BCR: variants seen among roughly 807,000 people sequenced by gnomAD.
BCR encodes the protein breakpoint cluster region protein.
Under a neutral mutation model 138.6 loss-of-function variants are expected in BCR, and 58 were observed. The observed-to-expected ratio is 0.42, with a 90% CI of 0.34 to 0.52. The LOEUF is 0.52. Among genes scored for constraint, BCR ranks in the 20% least tolerant of loss-of-function variants. BCR has a pLI of 0.06. For missense variants in BCR, 1,599 were observed against 1,727.2 expected, an observed-to-expected ratio of 0.93 and a Z score of 1.32; for synonymous variants, 786 against 730.1, an observed-to-expected ratio of 1.08 and a Z score of -1.23.
At chr22:23,266,651 A>G (rs1017378264) in intron 4 of BCR, among the ~76,000 whole-genome samples, 3 of 152,196 alleles carry the variant, frequency 2.0e-5, no homozygotes, top group African/African-American at 7.2e-5. Flanking sequence ...CGGCCTCCCA[A>G]AGTGCTAGGA....
chr22:23,296,945 G>A (rs965044752), intron 16 of BCR, among the ~76,000 whole-genome samples: 12 of 152,218 alleles, frequency 7.9e-5, no homozygotes, highest in African/African-American at 2.9e-4. Context: ...TTTGAGATCC[G>A]AAGTATTTTA....
At chr22:23,217,611 G>A (rs1334914111) in intron 1 of BCR, among the ~76,000 whole-genome samples, 2 of 152,238 alleles carry the variant, frequency 1.3e-5, no homozygotes, top group Non-Finnish European at 2.9e-5. Flanking sequence ...GTATTGTCTG[G>A]TTGACTGAAG....
At chr22:23,275,242 C>T (rs552885294) in intron 8 of BCR, among the ~76,000 whole-genome samples, 10 of 152,352 alleles carry the variant, frequency 6.6e-5, no homozygotes, top group South Asian at 2.1e-4. Context: ...CCTTCCATTC[C>T]GCTCTCCGGC....
At chr22:23,200,725 A>C (rs1466969550) in intron 1 of BCR, among the ~76,000 whole-genome samples, 1 of 151,780 alleles carries the variant, frequency 6.6e-6, no homozygotes, top group Non-Finnish European at 1.5e-5. Context: ...TGCCCAGCTA[A>C]TTTTTGTATT....
intron 22 of BCR, 145 bp downstream of exon 22, chr22:23,314,859 C>A: frequency 8.9e-7 from 1 of 1,124,626 alleles, no homozygotes; most frequent in Non-Finnish European, 1.3e-6. Flanking sequence ...CCTAGGTCTG[C>A]ATGGATGGGA....
chr22:23,199,658 C>T (rs145757773), intron 1 of BCR, among the ~76,000 whole-genome samples: 36 of 152,252 alleles, frequency 2.4e-4, no homozygotes, highest in African/African-American at 8.7e-4. Context: ...CTCCTTTGTC[C>T]CCATGAGTGC....
chr22:23,235,464 G>C (rs945180982), intron 1 of BCR, among the ~76,000 whole-genome samples: 3 of 144,690 alleles, frequency 2.1e-5, no homozygotes, highest in Admixed American at 7.0e-5. Flanking sequence ...CAGCGTTTAA[G>C]TGCCTCCCTG....
rs1283890562 is a variant in BCR at position 23,311,778 on chromosome 22, C to T, written c.3264C>T (p.Ile1088=). The T allele has an allele frequency of 1.2e-6, 2 of 1,611,698 alleles. No homozygotes were observed. The highest frequency in any genetic ancestry group is 2.7e-5 in the African/African-American group (2 of 74,862). ...GCCGAGGCATGGAGGAGGTGGGCAT[C>T]TACCGCGTGTCCGGTGTGGCCACGG... ...IERRGMEEVG[I]YRVSGVATDI... is the part of the protein sequence containing the mutation. The change falls in exon 19 of 23, where the codon ATC becomes ATT. Residue 1088 remains isoleucine (I), a synonymous_variant. Coordinates refer to ENST00000305877, the MANE Select transcript of BCR (RefSeq NM_004327.4).
In BCR at chr22:23,314,550, A is replaced by G. The variant is rs1246580304; in HGVS notation, c.3564-2A>G. ...AGCACCCGCTGCTTTGGTCCTCTAC[A>G]GGGTGGCAGAGAAGGAGGCAGTCAA... On this transcript the variant is annotated splice_acceptor_variant, in intron 21 of 22. Coordinates refer to ENST00000305877, the MANE Select transcript of BCR (RefSeq NM_004327.4). LOFTEE classifies it high-confidence loss of function. 6.2e-7 allele frequency: 1 copy of G among 1,611,952 alleles called. No individual in the cohort carries two copies. The highest frequency in any genetic ancestry group is 1.7e-5 in the Admixed American group (1 of 60,014).
intron 2 of BCR, among the ~76,000 whole-genome samples, chr22:23,257,612 C>T (rs1030753103): frequency 6.6e-6 from 1 of 152,370 alleles, no homozygotes; most frequent in Non-Finnish European, 1.5e-5. Context: ...GGAGCGGCAT[C>T]TGCACACAGT....
intron 16 of BCR, among the ~76,000 whole-genome samples, chr22:23,303,633 C>G (rs2073926797): frequency 6.6e-6 from 1 of 152,180 alleles, no homozygotes; most frequent in Admixed American, 6.5e-5. Flanking sequence ...TGTTTTGAAC[C>G]AATATTTGGG....
intron 1 of BCR, among the ~76,000 whole-genome samples, chr22:23,214,896 G>A (rs1370695893): frequency 6.6e-6 from 1 of 152,162 alleles, no homozygotes; most frequent in Non-Finnish European, 1.5e-5. Flanking sequence ...CATTGATGGT[G>A]TTGGGCAACC....
intron 8 of BCR, among the ~76,000 whole-genome samples, chr22:23,282,535 G>C (rs117057406): frequency 0.019 from 2,951 of 152,350 alleles, 52 homozygotes; most frequent in Non-Finnish European, 0.027. Flanking sequence ...GGCTGTTCTT[G>C]CAAATGGGGA....
At chr22:23,243,392 T>G (rs1803204504) in intron 1 of BCR, among the ~76,000 whole-genome samples, 1 of 152,150 alleles carries the variant, frequency 6.6e-6, no homozygotes, top group Admixed American at 6.5e-5. Flanking sequence ...TGATCATCAG[T>G]GGCCAATGAT....
chr22:23,218,405 A>G (rs1047348459), intron 1 of BCR, among the ~76,000 whole-genome samples: 1 of 152,204 alleles, frequency 6.6e-6, no homozygotes, highest in African/African-American at 2.4e-5. Flanking sequence ...TATCCAGGGG[A>G]ACCCCCATTA....
At chr22:23,199,247 T>C (rs1254756006) in intron 1 of BCR, 2 of 518,042 alleles carry the variant, frequency 3.9e-6, no homozygotes, top group East Asian at 1.1e-4. Context: ...AAGACTCTTC[T>C]CTTCTCTGTG....
intron 2 of BCR, among the ~76,000 whole-genome samples, chr22:23,257,128 C>G (rs1194401731): frequency 1.3e-5 from 2 of 152,146 alleles, no homozygotes; most frequent in Non-Finnish European, 2.9e-5. Context: ...CTCTCGTTTT[C>G]TCTGCATGGA....
At chr22:23,264,064 A>G in intron 4 of BCR, 1 of 1,137,216 alleles carries the variant, frequency 8.8e-7, no homozygotes, top group Non-Finnish European at 1.3e-6. Context: ...TATGACACCT[A>G]TGTTCGCTAC....
chr22:23,288,333 C>T (rs1026310471), intron 12 of BCR, among the ~76,000 whole-genome samples, 161 bp downstream of exon 12: 8 of 152,208 alleles, frequency 5.3e-5, no homozygotes, highest in Middle Eastern at 3.4e-3. Context: ...ACAGCCATCC[C>T]GATAGGCCCC....
Sources: gnomAD v4.1 joint callset for allele counts (sites outside exome capture counted in the v4.1 genomes callset) on GRCh38, gnomAD v4.1.1 for gene constraint, MANE v1.5 for transcripts, NCBI Gene and HGNC (gene_info 2026-07-23, HGNC 2026-07-21) for gene names.